The following PIKFYVE variants were observed in gnomAD, a reference collection of about 807,000 sequenced individuals.
PIKFYVE encodes the protein 1-phosphatidylinositol 3-phosphate 5-kinase.
PIKFYVE carries 122 observed loss-of-function variants against 257.9 expected under a neutral mutation model. That is an observed-to-expected ratio of 0.47 (90% CI 0.41 to 0.55). The LOEUF is 0.55. Ranked by LOEUF, PIKFYVE falls within the 20% of genes least tolerant of loss-of-function variation. The pLI is 0.00. For synonymous variants in PIKFYVE, 892 were observed against 868.9 expected (o/e 1.03, Z -0.47); for missense variants, 2,160 against 2,536.6 (o/e 0.85, Z 3.19).
At chr2:208,345,981 A>T in intron 33 of PIKFYVE, 69 bp from the exon 34 acceptor site, 1 of 1,072,832 alleles carries the variant, frequency 9.3e-7, no homozygotes, top group Non-Finnish European at 1.4e-6. Context: ...TAATTAGTGT[A>T]GAGTACTTAC....
chr2:208,312,489 G>A (rs559412178), intron 13 of PIKFYVE, among the ~76,000 whole-genome samples, 194 bp downstream of exon 13: 3 of 152,242 alleles, frequency 2.0e-5, no homozygotes, highest in African/African-American at 7.2e-5. Context: ...ACTTGGACTT[G>A]GTTTGCGAGA....
rs781413371 is a variant in PIKFYVE at position 208,335,861 on chromosome 2, CAAG to C, written c.4327_4329del (p.Arg1443del). 6.2e-7 allele frequency: 1 copy of C among 1,612,212 alleles called. No homozygotes were observed. The highest frequency in any genetic ancestry group is 8.5e-7 in the Non-Finnish European group (1 of 1,179,002). ...TTGAAAACTGATACATTTAGTAAAA[CAAG>C]AGAGGAAAAAATGGAAGATATTTTT... On this transcript the variant is annotated inframe_deletion, in exon 26 of 42. Transcript: ENST00000264380.
intron 23 of PIKFYVE, 104 bp from the exon 24 acceptor site, chr2:208,333,211 G>C (rs1697752759): frequency 4.2e-6 from 5 of 1,187,896 alleles, no homozygotes; most frequent in Non-Finnish European, 5.9e-6. Flanking sequence ...TCCAGCCTGG[G>C]TGACAGAGCG....
intron 23 of PIKFYVE, among the ~76,000 whole-genome samples, 191 bp downstream of exon 23, chr2:208,330,885 A>T (rs1051945507): frequency 2.0e-5 from 3 of 152,124 alleles, no homozygotes; most frequent in Non-Finnish European, 4.4e-5. Context: ...ATCCCATCTT[A>T]GGAATGTATC....
At chr2:208,333,526 C>T (rs1435446073) in intron 24 of PIKFYVE, 33 bp downstream of exon 24, 1 of 1,595,740 alleles carries the variant, frequency 6.3e-7, no homozygotes, top group Admixed American at 1.7e-5. Context: ...TGCATGATCT[C>T]AGATCTCATA....
intron 34 of PIKFYVE, 39 bp downstream of exon 34, chr2:208,346,186 AC>A (rs202006935): frequency 0.016 from 23,679 of 1,496,584 alleles, 296 homozygotes; most frequent in Middle Eastern, 0.055. Context: ...AATTAGATTT[AC>A]CTATAATTAT....
intron 7 of PIKFYVE, among the ~76,000 whole-genome samples, chr2:208,290,197 G>A (rs1305062508): frequency 1.3e-5 from 2 of 152,196 alleles, no homozygotes; most frequent in African/African-American, 4.8e-5. Context: ...TTGGACAAAT[G>A]TATAATGACG....
chr2:208,299,140 G>T (rs1693366643), intron 8 of PIKFYVE, among the ~76,000 whole-genome samples: 1 of 152,052 alleles, frequency 6.6e-6, no homozygotes, highest in African/African-American at 2.4e-5. Flanking sequence ...CACCCAGCCT[G>T]TCACTGAGTC....
At chr2:208,320,902 G>A (rs886596583) in intron 17 of PIKFYVE, among the ~76,000 whole-genome samples, 8 of 152,318 alleles carry the variant, frequency 5.3e-5, no homozygotes, top group African/African-American at 1.9e-4. Flanking sequence ...AAGTAAAAGT[G>A]AGCTTTTGCT....
At chr2:208,318,883 G>A (rs1026170750) in intron 16 of PIKFYVE, among the ~76,000 whole-genome samples, 3 of 142,652 alleles carry the variant, frequency 2.1e-5, no homozygotes, top group Non-Finnish European at 3.0e-5. Context: ...CCTTGGAGGC[G>A]AAGGTTGCAG....
At chr2:208,353,836 T>TA (rs764366024) in intron 39 of PIKFYVE, 62 bp from the exon 40 acceptor site, 29 of 1,585,548 alleles carry the variant, frequency 1.8e-5, no homozygotes, top group Non-Finnish European at 2.4e-5. Flanking sequence ...TTTATTTACT[T>TA]ACATTAACTA....
rs182288671 is a variant in PIKFYVE, at chr2:208,354,780, G to A, written c.6181+135G>A. The A allele has an allele frequency of 1.1e-4, 83 of 740,582 alleles. No individual in the cohort carries two copies. The East Asian group carries it at 2.0e-3, about 18-fold the overall frequency. The allele number at this position is 740,582 out of a possible 1,614,324, so 45.9% of individuals were successfully genotyped here. ...TTGATTTCATTGTCATTTCTAAAGT[G>A]ACCAAACAATAATGAGAATTATATA... On this transcript the variant is annotated intron_variant, in intron 41 of 41. Coordinates refer to ENST00000264380, the MANE Select transcript of PIKFYVE (RefSeq NM_015040.4).
chr2:208,287,286 T>G (rs1574459949), intron 6 of PIKFYVE, among the ~76,000 whole-genome samples: 1 of 120,816 alleles, frequency 8.3e-6, no homozygotes, highest in South Asian at 2.7e-4. Context: ...TTTTTTTTTT[T>G]GAGACAGAGT....
At chr2:208,323,405 A>C (rs9752102) in intron 17 of PIKFYVE, among the ~76,000 whole-genome samples, 150,432 of 151,462 alleles carry the variant, frequency 0.99, 74,716 homozygotes, top group Middle Eastern at 1. Flanking sequence ...ATGATGATTT[A>C]CAATTTCATC....
chr2:208,346,241 G>C (rs1181710510), intron 34 of PIKFYVE, 94 bp downstream of exon 34: 2 of 1,005,326 alleles, frequency 2.0e-6, no homozygotes, highest in Non-Finnish European at 3.1e-6. Context: ...GTACTATCTG[G>C]CAATGATTTA....
chr2:208,339,350 A>G, intron 29 of PIKFYVE, 68 bp from the exon 30 acceptor site: 1 of 1,571,464 alleles, frequency 6.4e-7, no homozygotes, highest in Non-Finnish European at 8.8e-7. Flanking sequence ...ATGAGCATTT[A>G]AAAAATATTA....
intron 5 of PIKFYVE, among the ~76,000 whole-genome samples, chr2:208,278,110 A>G (rs1041978964): frequency 6.6e-6 from 1 of 152,234 alleles, no homozygotes; most frequent in Non-Finnish European, 1.5e-5. Context: ...CATAAGGAAC[A>G]TAGTCAAATT....
intron 7 of PIKFYVE, among the ~76,000 whole-genome samples, chr2:208,295,773 G>A (rs1260808008): frequency 6.6e-6 from 1 of 152,128 alleles, no homozygotes; most frequent in Non-Finnish European, 1.5e-5. Flanking sequence ...TTTGTAATTG[G>A]TAAGTAATAT....
chr2:208,315,397 A>G, intron 15 of PIKFYVE, 24 bp downstream of exon 15: 1 of 1,611,984 alleles, frequency 6.2e-7, no homozygotes, highest in Non-Finnish European at 8.5e-7. Context: ...ATGTTTTACT[A>G]ATGCTAGGAA....
Sources: allele counts gnomAD v4.1 joint callset (sites outside exome capture counted in the v4.1 genomes callset), GRCh38; gene constraint gnomAD v4.1.1; transcripts MANE v1.5; gene names NCBI Gene and HGNC (gene_info 2026-07-23, HGNC 2026-07-21).